LEPR: variants seen among roughly 807,000 people sequenced by gnomAD.
LEPR encodes the protein OB receptor.
A neutral mutation model predicts 114.7 loss-of-function variants in LEPR; 56 were observed. That is an observed-to-expected ratio of 0.49 (90% CI 0.39 to 0.61). The LOEUF (loss-of-function observed/expected upper bound fraction) is 0.61. Among genes scored for constraint, LEPR ranks in the 20% least tolerant of loss-of-function variants. The probability of loss-of-function intolerance (pLI) is 0.00; values close to 1 mark genes in which losing one functional copy is unlikely to be tolerated. For missense variants in LEPR, 1,202 were observed against 1,352.9 expected (o/e 0.89, Z 1.75); for synonymous variants, 443 against 461.4 (o/e 0.96, Z 0.51).
chr1:65,596,615 A>G (rs1656080663), intron 7 of LEPR, 22 bp downstream of exon 7: 2 of 1,607,398 alleles, frequency 1.2e-6, no homozygotes, highest in Non-Finnish European at 1.7e-6. Context: ...TTAGTAAGTA[A>G]AAGGAAAAGT....
intron 2 of LEPR, chr1:65,434,343 A>G (rs1298096076): frequency 2.0e-6 from 2 of 985,094 alleles, no homozygotes; most frequent in Admixed American, 6.2e-5. Context: ...ATTGTACAAT[A>G]TATTTGGAGA....
rs1380607258 is a variant in LEPR at position 65,511,993 on chromosome 1, G to A, written c.-20-53553G>A. On this transcript the variant is annotated intron_variant, in intron 2 of 19. Coordinates refer to ENST00000349533, the MANE Select transcript of LEPR (RefSeq NM_002303.6). The stretch of plus-strand genomic sequence containing the variant: ...CTGTACAGGAAGCGTAGTGACTTCT[G>A]CTTCTGGGGACGCCTCAGGAAGCTT... Among the ~76,000 whole-genome samples the A allele has an allele frequency of 2.0e-5, 3 of 152,128 alleles. No homozygotes were observed. In the East Asian group the frequency reaches 5.8e-4, roughly 29 times the overall value.
intron 2 of LEPR, among the ~76,000 whole-genome samples, chr1:65,479,654 GCTTT>G (rs1313588768): frequency 3.3e-5 from 5 of 152,118 alleles, no homozygotes; most frequent in Non-Finnish European, 5.9e-5. Context: ...TTCTAAAAGT[GCTTT>G]CTAAGACAGA....
chr1:65,510,050 T>C (rs939590368), intron 2 of LEPR, among the ~76,000 whole-genome samples: 2 of 152,206 alleles, frequency 1.3e-5, no homozygotes, highest in Non-Finnish European at 2.9e-5. Flanking sequence ...AACCACCCTA[T>C]GGAAAACCTG....
chr1:65,465,680 A>G (rs900758101), intron 2 of LEPR, among the ~76,000 whole-genome samples: 1 of 152,092 alleles, frequency 6.6e-6, no homozygotes, highest in East Asian at 1.9e-4. Context: ...GTAGGTCTCT[A>G]AGGACTTGCT....
At chr1:65,432,101 C>T in intron 2 of LEPR, 1 of 1,297,274 alleles carries the variant, frequency 7.7e-7, no homozygotes, top group Non-Finnish European at 9.8e-7. Flanking sequence ...GCAAATAGAC[C>T]TGTCAAATTT....
At chr1:65,488,214 C>CTTTCTTTCTT (rs774153035) in intron 2 of LEPR, among the ~76,000 whole-genome samples, 599 of 46,630 alleles carry the variant, frequency 0.013, 25 homozygotes, top group Middle Eastern at 0.047. Flanking sequence ...CTTTCTTTCT[C>CTTTCTTTCTT]TCTCTCTCTC....
intron 19 of LEPR, among the ~76,000 whole-genome samples, chr1:65,631,739 C>A (rs922102749): frequency 6.6e-6 from 1 of 152,046 alleles, no homozygotes; most frequent in African/African-American, 2.4e-5. Context: ...AACTCATTAG[C>A]CTTGCTTTTC....
chr1:65,435,990 T>C, intron 2 of LEPR: 1 of 984,228 alleles, frequency 1.0e-6, no homozygotes, highest in African/African-American at 1.7e-5. Context: ...TAAATAAAAC[T>C]TGTTATTGAC....
At position 65,625,993 on chromosome 1, in the gene LEPR, A is replaced by G. The variant is rs571975537; in HGVS notation, c.2673+3012A>G. On this transcript the variant is annotated intron_variant, in intron 19 of 19. Coordinates refer to ENST00000349533, the MANE Select transcript of LEPR (RefSeq NM_002303.6). ...CTGAAACACTCTCTCTTCAGCATTT[A>G]AGCTCTGAAATCTTACCTATGGACC... is the stretch of plus-strand genomic sequence containing the variant. 6 of 757,456 alleles carry G rather than the reference A, an allele frequency of 7.9e-6. No homozygotes were observed. In the East Asian group the frequency reaches 1.6e-4, roughly 21 times the overall value. The allele number at this position is 757,456 out of a possible 1,614,324, so 46.9% of individuals were successfully genotyped here.
intron 16 of LEPR, 22 bp from the exon 17 acceptor site, chr1:65,619,906 T>G: frequency 6.3e-7 from 1 of 1,576,688 alleles, no homozygotes; most frequent in Non-Finnish European, 8.7e-7. Flanking sequence ...TAAATGAGCC[T>G]TTTACGTATT....
At chr1:65,589,567 A>G (rs895762255) in intron 5 of LEPR, among the ~76,000 whole-genome samples, 2 of 152,030 alleles carry the variant, frequency 1.3e-5, no homozygotes, top group African/African-American at 4.8e-5. Flanking sequence ...ATTTAGATTT[A>G]TGATTCATTT....
chr1:65,461,957 T>C (rs1292222170), intron 2 of LEPR, among the ~76,000 whole-genome samples: 1 of 152,124 alleles, frequency 6.6e-6, no homozygotes, highest in Non-Finnish European at 1.5e-5. Context: ...ACCTGGCCAA[T>C]ACTCCCCAAA....
intron 5 of LEPR, among the ~76,000 whole-genome samples, chr1:65,581,079 G>A (rs1235819365): frequency 6.6e-6 from 1 of 152,138 alleles, no homozygotes; most frequent in Non-Finnish European, 1.5e-5. Context: ...GATGATTTCA[G>A]CATCCATGTG....
At chr1:65,556,477 C>A (rs1652822338) in intron 2 of LEPR, among the ~76,000 whole-genome samples, 1 of 152,156 alleles carries the variant, frequency 6.6e-6, no homozygotes, top group Middle Eastern at 3.4e-3. Context: ...GGAGAAATTT[C>A]AAGGGATTGT....
At chr1:65,434,628 T>C (rs1408278845) in intron 2 of LEPR, 3 of 985,342 alleles carry the variant, frequency 3.0e-6, no homozygotes, top group Non-Finnish European at 1.2e-6. Flanking sequence ...TGTGAGTAGT[T>C]TGGAGGAAGG....
intron 2 of LEPR, among the ~76,000 whole-genome samples, chr1:65,472,615 GACACACACAC>G (rs77182938): frequency 7.7e-4 from 106 of 137,104 alleles, no homozygotes; most frequent in Non-Finnish European, 9.9e-4. Context: ...TATATATATA[GACACACACAC>G]ACACACACAC....
At chr1:65,421,069 C>A (rs1441093023) in intron 1 of LEPR, among the ~76,000 whole-genome samples, 1 of 152,352 alleles carries the variant, frequency 6.6e-6, no homozygotes, top group South Asian at 2.1e-4. Context: ...CTTCTTGACG[C>A]CACCCTAACG....
chr1:65,565,628 G>A (rs772312846), intron 3 of LEPR, 23 bp downstream of exon 3: 1 of 1,613,656 alleles, frequency 6.2e-7, no homozygotes. Context: ...CTCATTTGCT[G>A]TTTTAATGCC....
Sources: gnomAD v4.1 joint callset for allele counts (sites outside exome capture counted in the v4.1 genomes callset) on GRCh38, gnomAD v4.1.1 for gene constraint, MANE v1.5 for transcripts, NCBI Gene and HGNC (gene_info 2026-07-23, HGNC 2026-07-21) for gene names.